The following RAB3GAP1 variants were observed in gnomAD, a reference collection of about 807,000 sequenced individuals.
The protein encoded by RAB3GAP1 is RAB3 GTPase activating protein catalytic subunit 1.
In RAB3GAP1, 86 loss-of-function variants were observed where a neutral mutation model predicts 130.7. That is an observed-to-expected ratio of 0.66 (90% confidence interval 0.55 to 0.79). RAB3GAP1 has a LOEUF of 0.79. RAB3GAP1 is among the 30% of genes least tolerant of loss of function. The pLI is 0.00. For missense variants in RAB3GAP1, 1,029 were observed against 1,169.4 expected, an observed-to-expected ratio of 0.88 and a Z score of 1.75; for synonymous variants, 367 against 401.7, an observed-to-expected ratio of 0.91 and a Z score of 1.03.
In RAB3GAP1 at chr2:135,123,624, C is replaced by A. The variant is rs79308664; in HGVS notation, c.749-541C>A. On this transcript the variant is annotated intron_variant, in intron 8 of 23. Transcript: ENST00000264158. ...GATAGAACTAAGGGAATGATTTACC[C>A]TCTAAGTTCTCTTCCAGTCTAGTAT... Among the ~76,000 whole-genome samples the A allele has an allele frequency of 1.0e-2, 1,518 of 152,174 alleles. 23 individuals carry two copies. The highest frequency in any genetic ancestry group is 0.035 in the African/African-American group (1,445 of 41,524).
At chr2:135,147,375 G>A (rs1170741487) in intron 17 of RAB3GAP1, among the ~76,000 whole-genome samples, 1 of 151,536 alleles carries the variant, frequency 6.6e-6, no homozygotes, top group Admixed American at 6.6e-5. Context: ...TTTAACAAAG[G>A]AAAAATGAAA....
intron 2 of RAB3GAP1, among the ~76,000 whole-genome samples, chr2:135,054,133 G>A (rs559486284): frequency 6.6e-6 from 1 of 152,358 alleles, no homozygotes; most frequent in Non-Finnish European, 1.5e-5. Context: ...GTATTCCTAT[G>A]ACCAGTGATT....
intron 5 of RAB3GAP1, among the ~76,000 whole-genome samples, chr2:135,094,569 A>G (rs1167412340): frequency 6.6e-6 from 1 of 152,106 alleles, no homozygotes; most frequent in Non-Finnish European, 1.5e-5. Context: ...GCCTCTGGTA[A>G]TTCTACTTAG....
intron 5 of RAB3GAP1, among the ~76,000 whole-genome samples, chr2:135,109,072 C>A (rs1690715146): frequency 2.0e-5 from 3 of 152,102 alleles, no homozygotes; most frequent in Admixed American, 2.0e-4. Context: ...GTATTGATTT[C>A]TGTAGCTTTA....
At chr2:135,142,748 A>G (rs1691878857) in intron 17 of RAB3GAP1, among the ~76,000 whole-genome samples, 1 of 151,932 alleles carries the variant, frequency 6.6e-6, no homozygotes, top group Admixed American at 6.6e-5. Context: ...TTTCCTGTAT[A>G]TTAAGGTAAT....
In RAB3GAP1 at chr2:135,091,074, A is replaced by G. The variant is rs1228431181; in HGVS notation, c.227A>G (p.His76Arg). 1.9e-6 allele frequency: 3 copies of G among 1,605,800 alleles called. No homozygotes were observed. The highest frequency in any genetic ancestry group is 1.7e-5 in the Admixed American group (1 of 60,004). The change falls in exon 4 of 24, where the codon CAT (histidine) becomes CGT (arginine). Residue 76 changes from histidine (H) to arginine (R), a missense_variant. By Grantham distance (29) the His-to-Arg change is conservative. Transcript: ENST00000264158. The part of the protein sequence containing the change: ...SFADFKFSVT[H>R]HYLVQESTDK... ...GCTGACTTCAAGTTCTCAGTCACTC[A>G]TCATTATCTTGTACAAGAGTCCACT...
intron 3 of RAB3GAP1, among the ~76,000 whole-genome samples, chr2:135,075,685 G>A (rs1181632839): frequency 7.4e-6 from 1 of 135,482 alleles, no homozygotes; most frequent in African/African-American, 2.8e-5. Context: ...TTTTGGGGGG[G>A]GTCACTATTT....
At position 135,115,275 on chromosome 2, in the gene RAB3GAP1, G is replaced by A. The variant is rs1574123843; in HGVS notation, c.542G>A (p.Cys181Tyr). 3 of 1,613,256 alleles carry A rather than the reference G, an allele frequency of 1.9e-6. No homozygotes were observed. The highest frequency in any genetic ancestry group is 2.5e-6 in the Non-Finnish European group (3 of 1,179,228). ...TGGCGAAGAATGTATGTAGGAGAATGTCAAGGTCCTGGTGTACGAACTGAT... is the reference window on the plus strand; with the variant it reads ...TGGCGAAGAATGTATGTAGGAGAATATCAAGGTCCTGGTGTACGAACTGAT... ...HKWRRMYVGE[C>Y]QGPGVRTDFE... The change falls in exon 7 of 24, where the codon TGT (cysteine) becomes TAT (tyrosine). Residue 181 changes from cysteine (C) to tyrosine (Y), a missense_variant. By Grantham distance (194) the Cys-to-Tyr change is radical. This residue lies in a region of RAB3GAP1 where 510 missense variants were observed against 532.1 expected (regional missense o/e 0.96). Transcript: ENST00000264158.
intron 5 of RAB3GAP1, among the ~76,000 whole-genome samples, chr2:135,101,920 T>G (rs1327396034): frequency 6.6e-6 from 1 of 152,216 alleles, no homozygotes; most frequent in Non-Finnish European, 1.5e-5. Flanking sequence ...ACTTTAACCG[T>G]AGCAAACATT....
At chr2:135,152,914 G>A (rs1486432336) in intron 18 of RAB3GAP1, 1 of 152,186 alleles carries the variant, frequency 6.6e-6, no homozygotes. Flanking sequence ...TAGAATCACT[G>A]AAAGGTTTTT....
At chr2:135,075,582 T>G (rs1689607521) in intron 3 of RAB3GAP1, among the ~76,000 whole-genome samples, 1 of 152,182 alleles carries the variant, frequency 6.6e-6, no homozygotes, top group Non-Finnish European at 1.5e-5. Context: ...CTTTCCAGTT[T>G]TTGCAGTTAA....
chr2:135,060,374 C>T (rs1689132641), intron 3 of RAB3GAP1, among the ~76,000 whole-genome samples: 1 of 151,208 alleles, frequency 6.6e-6, no homozygotes. Context: ...ATTCTCCTGC[C>T]TCAGCCTCCC....
intron 8 of RAB3GAP1, among the ~76,000 whole-genome samples, chr2:135,121,137 A>G (rs561637887): frequency 1.3e-5 from 2 of 152,226 alleles, no homozygotes; most frequent in African/African-American, 4.8e-5. Flanking sequence ...ATATTTGACA[A>G]TCTGTCTTTG....
rs1268326187 is a variant in RAB3GAP1 at position 135,169,663 on chromosome 2, T to G, written c.*882T>G. 2.2e-6 allele frequency: 1 copy of G among 448,354 alleles called. No homozygotes were observed. Among genetic ancestry groups the G allele is most frequent in the Non-Finnish European group, 4.5e-6 (1 of 222,630 alleles). The allele number at this position is 448,354 out of a possible 1,614,324, so 27.8% of individuals were successfully genotyped here. A position where few individuals can be genotyped will look rare whatever the true frequency, so the allele number is the denominator to read the frequency against. ...CCTAGAGACTGTCATGCAGATAGTATAATTTGGTATATGTGCTAATGCATT... is the reference window on the plus strand; with the variant it reads ...CCTAGAGACTGTCATGCAGATAGTAGAATTTGGTATATGTGCTAATGCATT... On this transcript the variant is annotated 3_prime_UTR_variant, in exon 24 of 24. Coordinates refer to ENST00000264158, the MANE Select transcript of RAB3GAP1 (RefSeq NM_012233.3).
intron 5 of RAB3GAP1, 152 bp downstream of exon 5, chr2:135,093,845 C>A: frequency 1.4e-6 from 1 of 718,632 alleles, no homozygotes; most frequent in Non-Finnish European, 2.5e-6. Context: ...AGGGCAAAAT[C>A]TGCAAAGGGA....
chr2:135,142,384 T>G (rs1691868248), intron 17 of RAB3GAP1, among the ~76,000 whole-genome samples: 1 of 152,200 alleles, frequency 6.6e-6, no homozygotes, highest in Admixed American at 6.5e-5. Flanking sequence ...TGACCTTGGA[T>G]ATAACAATCT....
At position 135,115,289 on chromosome 2, in the gene RAB3GAP1, G is replaced by A. The variant is rs1244873114; in HGVS notation, c.556G>A (p.Val186Ile). Residue 186 changes from valine (V) to isoleucine (I), a missense_variant, in exon 7 of 24, where the codon GTA (valine) becomes ATA (isoleucine). By Grantham distance (29) the Val-to-Ile change is conservative. Coordinates refer to ENST00000264158, the MANE Select transcript of RAB3GAP1 (RefSeq NM_012233.3). Reference protein sequence around the residue: ...MYVGECQGPGVRTDFEMVHLR... With the variant: ...MYVGECQGPGIRTDFEMVHLR... ...TGTAGGAGAATGTCAAGGTCCTGGT[G>A]TACGAACTGATTTCGAAATGGTTCA... is the stretch of plus-strand genomic sequence containing the variant. 1.2e-6 allele frequency: 2 copies of A among 1,613,312 alleles called. No individual in the cohort carries two copies. Among genetic ancestry groups the A allele is most frequent in the South Asian group, 2.2e-5 (2 of 91,074 alleles).
chr2:135,117,558 G>GCTT (rs1484152024), intron 7 of RAB3GAP1, among the ~76,000 whole-genome samples: 6 of 19,234 alleles, frequency 3.1e-4, no homozygotes, highest in Non-Finnish European at 7.0e-4. Flanking sequence ...TTCTTCTTCT[G>GCTT]CTTCTTCTTC....
At position 135,135,687 on chromosome 2, in the gene RAB3GAP1, A is replaced by T; in HGVS notation, c.1678A>T (p.Asn560Tyr). Residue 560 changes from asparagine to tyrosine, a missense_variant, in exon 17 of 24, where the codon AAT (asparagine) becomes TAT (tyrosine). This residue lies in a region of RAB3GAP1 where 373 missense variants were observed against 493.6 expected (regional missense o/e 0.76). Transcript: ENST00000264158. ...AGCAGGAGACCAGTTGGTGCCAGAT[A>T]ATCTAAAAGAAACAGATAAGGAAAA... ...GKAGDQLVPDNLKETDKEKGE... is the reference protein window; with the variant it reads ...GKAGDQLVPDYLKETDKEKGE... 1 of 1,614,164 alleles carries T rather than the reference A, an allele frequency of 6.2e-7. No individual in the cohort carries two copies. Among genetic ancestry groups the T allele is most frequent in the South Asian group, 1.1e-5 (1 of 91,082 alleles).
Sources: allele counts gnomAD v4.1 joint callset (sites outside exome capture counted in the v4.1 genomes callset), GRCh38; gene constraint gnomAD v4.1.1; regional missense constraint gnomAD v4.1.1; transcripts MANE v1.5; gene names NCBI Gene and HGNC (gene_info 2026-07-23, HGNC 2026-07-21).